ARHGAP18: variants seen among roughly 807,000 people sequenced by gnomAD.
ARHGAP18 encodes the protein rho GTPase-activating protein 18.
In ARHGAP18, 67 loss-of-function variants were observed where a neutral mutation model predicts 86.2. That is an observed-to-expected ratio of 0.78 (90% CI 0.64 to 0.95). ARHGAP18 has a LOEUF of 0.95. ARHGAP18 is among the 40% of genes least tolerant of loss of function. The pLI, the probability that ARHGAP18 is intolerant of heterozygous loss-of-function variation, is 0.00. For missense variants in ARHGAP18, 691 were observed against 780.4 expected, an observed-to-expected ratio of 0.89 and a Z score of 1.37; for synonymous variants, 283 against 280.4, an observed-to-expected ratio of 1.01 and a Z score of -0.09.
chr6:129,609,907 G>A (rs907390966), intron 8 of ARHGAP18, among the ~76,000 whole-genome samples: 1 of 151,230 alleles, frequency 6.6e-6, no homozygotes, highest in African/African-American at 2.5e-5. Context: ...GATGCAAACT[G>A]TGAAATGTAT....
In ARHGAP18 at chr6:129,583,981, C is replaced by A. The variant is rs370656353; in HGVS notation, c.1838+7G>T. 69 of 1,612,478 alleles carry A rather than the reference C, an allele frequency of 4.3e-5. No homozygotes were observed. Among genetic ancestry groups the A allele is most frequent in the Non-Finnish European group, 5.6e-5 (66 of 1,179,314 alleles). On this transcript the variant is annotated splice_region_variant and intron_variant, in intron 13 of 14. Transcript: ENST00000368149. The stretch of plus-strand genomic sequence containing the variant: ...CATGGCATAATTAACACAAAACAGG[C>A]CTCTACCTTTCTTGGCTGAGAAACC...
intron 1 of ARHGAP18, among the ~76,000 whole-genome samples, chr6:129,701,274 T>C (rs1193740090): frequency 6.6e-6 from 1 of 152,222 alleles, no homozygotes; most frequent in African/African-American, 2.4e-5. Context: ...TTACACGATA[T>C]GATTTCATAA....
chr6:129,630,844 T>C (rs1584069749), intron 4 of ARHGAP18, among the ~76,000 whole-genome samples: 1 of 152,276 alleles, frequency 6.6e-6, no homozygotes, highest in East Asian at 1.9e-4. Context: ...GTCCCTGACC[T>C]TGCAAATTAC....
chr6:129,709,147 T>G (rs1774855907), intron 1 of ARHGAP18, among the ~76,000 whole-genome samples: 1 of 152,228 alleles, frequency 6.6e-6, no homozygotes, highest in Non-Finnish European at 1.5e-5. Context: ...GGAGGAAATG[T>G]GCTTACCGAT....
At chr6:129,637,152 C>T (rs1773351264) in intron 3 of ARHGAP18, among the ~76,000 whole-genome samples, 1 of 151,750 alleles carries the variant, frequency 6.6e-6, no homozygotes, top group South Asian at 2.1e-4. Flanking sequence ...GCAGCCTCGA[C>T]CTCCAGGGCT....
At chr6:129,603,064 G>A in intron 10 of ARHGAP18, among the ~76,000 whole-genome samples, 1 of 151,556 alleles carries the variant, frequency 6.6e-6, no homozygotes, top group East Asian at 1.9e-4. Flanking sequence ...TTCTTTTGCG[G>A]TGATTTCTAA....
intron 12 of ARHGAP18, among the ~76,000 whole-genome samples, chr6:129,589,304 T>C (rs1788464406): frequency 6.6e-6 from 1 of 152,186 alleles, no homozygotes. Context: ...TTCCACCAGA[T>C]ACCCTAAATC....
intron 1 of ARHGAP18, among the ~76,000 whole-genome samples, chr6:129,696,500 CTG>C (rs1172549494): frequency 6.6e-6 from 1 of 152,162 alleles, no homozygotes; most frequent in African/African-American, 2.4e-5. Context: ...GAAAAAAAGA[CTG>C]TATAATAAAG....
At chr6:129,616,736 C>A (rs1789107012) in intron 6 of ARHGAP18, among the ~76,000 whole-genome samples, 1 of 151,996 alleles carries the variant, frequency 6.6e-6, no homozygotes, top group South Asian at 2.1e-4. Context: ...TTGCTTGAGC[C>A]CAGGAGTTCA....
intron 11 of ARHGAP18, among the ~76,000 whole-genome samples, 191 bp downstream of exon 11, chr6:129,600,451 G>A (rs183697957): frequency 6.6e-6 from 1 of 152,242 alleles, no homozygotes; most frequent in Non-Finnish European, 1.5e-5. Context: ...TAAATAAAAA[G>A]TACTTCTTAC....
intron 1 of ARHGAP18, among the ~76,000 whole-genome samples, chr6:129,671,807 C>G (rs117875682): frequency 6.6e-6 from 1 of 152,146 alleles, no homozygotes; most frequent in South Asian, 2.1e-4. Flanking sequence ...ATTCTAGACA[C>G]CAGACAATTC....
rs540453362 is a variant in ARHGAP18 at position 129,612,924 on chromosome 6, C to G, written c.1045-1314G>C. Among the ~76,000 whole-genome samples, 3 of 152,226 alleles carry G rather than the reference C, an allele frequency of 2.0e-5. 1 individual carries two copies. Among genetic ancestry groups the G allele is most frequent in the Admixed American group, 2.0e-4 (3 of 15,288 alleles). On this transcript the variant is annotated intron_variant, in intron 7 of 14. Coordinates refer to ENST00000368149, the MANE Select transcript of ARHGAP18 (RefSeq NM_033515.3). ...GCATCTTTGATCAGTCAAAGCAGTACAGGATTTTTAAAAATTCATCTGGAG... is the reference window on the plus strand; with the variant it reads ...GCATCTTTGATCAGTCAAAGCAGTAGAGGATTTTTAAAAATTCATCTGGAG...
chr6:129,666,809 A>G (rs1584102077), intron 1 of ARHGAP18, among the ~76,000 whole-genome samples: 1 of 152,256 alleles, frequency 6.6e-6, no homozygotes, highest in East Asian at 1.9e-4. Context: ...ATTTCTGTGT[A>G]TATCTCATCC....
At chr6:129,584,407 A>T (rs2114428595) in intron 12 of ARHGAP18, among the ~76,000 whole-genome samples, 1 of 152,330 alleles carries the variant, frequency 6.6e-6, no homozygotes, top group South Asian at 2.1e-4. Context: ...AGTATTATCT[A>T]CTAGAGGGTG....
At chr6:129,590,791 G>C (rs1166882222) in intron 12 of ARHGAP18, among the ~76,000 whole-genome samples, 1 of 152,178 alleles carries the variant, frequency 6.6e-6, no homozygotes, top group Non-Finnish European at 1.5e-5. Flanking sequence ...TTCTACGGCA[G>C]GGAGAGAGAG....
intron 1 of ARHGAP18, among the ~76,000 whole-genome samples, chr6:129,651,650 C>T (rs1773711935): frequency 6.6e-6 from 1 of 152,060 alleles, no homozygotes. Flanking sequence ...CAGGATTGTC[C>T]CTAACACTCC....
At chr6:129,599,750 T>C (rs1788698880) in intron 11 of ARHGAP18, among the ~76,000 whole-genome samples, 1 of 152,158 alleles carries the variant, frequency 6.6e-6, no homozygotes, top group South Asian at 2.1e-4. Context: ...AGTCCCCTTC[T>C]AATAACCAGC....
chr6:129,706,657 T>C (rs971213499), intron 1 of ARHGAP18, among the ~76,000 whole-genome samples: 5 of 151,638 alleles, frequency 3.3e-5, no homozygotes, highest in African/African-American at 4.8e-5. Flanking sequence ...GAGGATGAGG[T>C]GGGCAGATCA....
At chr6:129,580,881 G>GAA (rs907039552) in intron 13 of ARHGAP18, among the ~76,000 whole-genome samples, 1 of 146,200 alleles carries the variant, frequency 6.8e-6, no homozygotes, top group South Asian at 2.2e-4. Context: ...TCTCCAAAAA[G>GAA]AAAAAAAAAA....
Sources: gnomAD v4.1 joint callset for allele counts (sites outside exome capture counted in the v4.1 genomes callset) on GRCh38, gnomAD v4.1.1 for gene constraint, MANE v1.5 for transcripts, NCBI Gene and HGNC (gene_info 2026-07-23, HGNC 2026-07-21) for gene names.